The following MGAT5B variants were observed in gnomAD, a reference collection of about 807,000 sequenced individuals.
The protein encoded by MGAT5B is N-acetylglucosaminyl-transferase Vb.
Under a neutral mutation model 95.1 loss-of-function variants are expected in MGAT5B, and 54 were observed. That is an observed-to-expected ratio of 0.57 (90% confidence interval 0.46 to 0.71). The LOEUF (loss-of-function observed/expected upper bound fraction) is 0.71, where lower values mean the gene tolerates loss of function less well. MGAT5B is among the 30% of genes least tolerant of loss of function. The pLI, the probability that MGAT5B is intolerant of heterozygous loss-of-function variation, is 0.00. For synonymous variants in MGAT5B, 464 were observed against 451.0 expected (o/e 1.03, Z -0.36); for missense variants, 935 against 1,088.6 (o/e 0.86, Z 1.99).
At position 76,948,945 on chromosome 17, in the gene MGAT5B, C is replaced by A. The variant is rs375337411; in HGVS notation, c.*107C>A. 19 of 1,251,136 alleles carry A rather than the reference C, an allele frequency of 1.5e-5. No individual in the cohort carries two copies. The highest frequency in any genetic ancestry group is 7.1e-5 in the Admixed American group (3 of 42,000). 77.5% of individuals were successfully genotyped at this position (1,251,136 alleles called of 1,614,324 possible). On this transcript the variant is annotated 3_prime_UTR_variant, in exon 18 of 18. Coordinates refer to ENST00000569840, the MANE Select transcript of MGAT5B (RefSeq NM_001199172.2). ...GCTGCTTGTCCTCCTCGCAACCCCC[C>A]CAGGCCGGAGCTTCCTTCCTTAGCC...
chr17:76,907,955 C>T (rs775883863), intron 8 of MGAT5B, among the ~76,000 whole-genome samples: 1 of 152,160 alleles, frequency 6.6e-6, no homozygotes, highest in Non-Finnish European at 1.5e-5. Flanking sequence ...GCATCCTGTC[C>T]TGTGGTTCTT....
intron 2 of MGAT5B, 126 bp downstream of exon 2, chr17:76,873,089 G>T: frequency 3.8e-6 from 4 of 1,057,886 alleles, no homozygotes; most frequent in Non-Finnish European, 4.1e-6. Flanking sequence ...TGAGTGGAGG[G>T]GGCCTGGGCT....
rs922013862 is a variant in MGAT5B at position 76,912,797 on chromosome 17, C to T, written c.1025+6610C>T. 1.3e-5 allele frequency among the ~76,000 whole-genome samples: 2 copies of T among 152,162 alleles called. No homozygotes were observed. The highest frequency in any genetic ancestry group is 4.8e-5 in the African/African-American group (2 of 41,442). On this transcript the variant is annotated intron_variant, in intron 8 of 17. Transcript: ENST00000569840. The surrounding 1 kb of genome is among the most constrained non-coding windows in gnomAD (Gnocchi z 5.0). ...AAGGTGATGTCAGCCAGTCCCCGCC[C>T]GCGCCCCGCCGTGTGCGGAGGGAAG...
intron 15 of MGAT5B, among the ~76,000 whole-genome samples, chr17:76,943,362 C>G (rs1009587490): frequency 6.6e-6 from 1 of 152,142 alleles, no homozygotes; most frequent in African/African-American, 2.4e-5. Flanking sequence ...CCCCTCCCTT[C>G]TGTGGGCCCC....
chr17:76,925,532 A>C (rs1030105919), intron 9 of MGAT5B, among the ~76,000 whole-genome samples: 1 of 151,670 alleles, frequency 6.6e-6, no homozygotes, highest in African/African-American at 2.4e-5. Flanking sequence ...GGCCAAGGCC[A>C]TCGCTCCCTG....
intron 15 of MGAT5B, among the ~76,000 whole-genome samples, chr17:76,943,037 C>CCCCG (rs10628067): frequency 0.063 from 9,483 of 151,696 alleles, 330 homozygotes; most frequent in South Asian, 0.095. Context: ...ATAACTTGCC[C>CCCCG]CCCCGGGAGG....
At chr17:76,931,663 G>A (rs12938166) in intron 10 of MGAT5B, among the ~76,000 whole-genome samples, 45,407 of 151,912 alleles carry the variant, frequency 0.3, 7,137 homozygotes, top group Middle Eastern at 0.38. Context: ...GGTTTTGTGC[G>A]GAGGAGGAAC....
chr17:76,898,065 A>G (rs1204550389), intron 3 of MGAT5B, among the ~76,000 whole-genome samples: 5 of 149,456 alleles, frequency 3.3e-5, no homozygotes, highest in African/African-American at 1.3e-4. Flanking sequence ...TCAAAAAAAA[A>G]AAGTTTATTG....
chr17:76,916,170 C>G lies in MGAT5B; in HGVS notation c.1026-8796C>G, dbSNP rs1193397776. On this transcript the variant is annotated intron_variant, in intron 8 of 17. Coordinates refer to ENST00000569840, the MANE Select transcript of MGAT5B (RefSeq NM_001199172.2). The surrounding 1 kb of genome is among the most constrained non-coding windows in gnomAD (Gnocchi z 5.3). ...AGGCCTCGTCTCCCCTTATGCTCCA[C>G]ATAGCTGCACTGCCCTGGCCCCTGC... is the stretch of plus-strand genomic sequence containing the variant. Among the ~76,000 whole-genome samples, 1 of 146,476 alleles carries G rather than the reference C, an allele frequency of 6.8e-6. No individual in the cohort carries two copies. Among genetic ancestry groups the G allele is most frequent in the Non-Finnish European group, 1.5e-5 (1 of 67,322 alleles).
At position 76,906,434 on chromosome 17, in the gene MGAT5B, C is replaced by T. The variant is rs937361973; in HGVS notation, c.1025+247C>T. Among the ~76,000 whole-genome samples, 2 of 152,194 alleles carry T rather than the reference C, an allele frequency of 1.3e-5. No individual in the cohort carries two copies. The highest frequency in any genetic ancestry group is 4.8e-5 in the African/African-American group (2 of 41,458). On this transcript the variant is annotated intron_variant, in intron 8 of 17. Coordinates refer to ENST00000569840, the MANE Select transcript of MGAT5B (RefSeq NM_001199172.2). This position sits in a 1 kb window ranked among gnomAD's most constrained non-coding sequence, Gnocchi z 4.6. The stretch of plus-strand genomic sequence containing the variant: ...AGCGCTGTCTGGCCAGGGCCTGGCT[C>T]CTTCTCTGGTGTTTCTGCTCAGGGG...
chr17:76,884,377 A>G (rs895140654), intron 3 of MGAT5B, among the ~76,000 whole-genome samples: 57 of 152,280 alleles, frequency 3.7e-4, no homozygotes, highest in African/African-American at 1.2e-3. Flanking sequence ...GATTGATTCA[A>G]TATGTGGTTA....
chr17:76,893,340 G>C (rs1967950902), intron 3 of MGAT5B, among the ~76,000 whole-genome samples: 1 of 152,074 alleles, frequency 6.6e-6, no homozygotes, highest in Non-Finnish European at 1.5e-5. Context: ...TGGATGATGG[G>C]GCCTCCTCTG....
At chr17:76,886,987 T>C (rs1464415860) in intron 3 of MGAT5B, among the ~76,000 whole-genome samples, 1 of 152,134 alleles carries the variant, frequency 6.6e-6, no homozygotes, top group African/African-American at 2.4e-5. Flanking sequence ...GAGGCTGCAC[T>C]GAGCTGAGAT....
chr17:76,948,616 A>T (rs760547537), intron 17 of MGAT5B, 24 bp from the exon 18 acceptor site: 7 of 1,599,982 alleles, frequency 4.4e-6, no homozygotes, highest in Non-Finnish European at 4.3e-6. Flanking sequence ...ACGCTGAGTG[A>T]CGGTGCTGTG....
intron 3 of MGAT5B, among the ~76,000 whole-genome samples, chr17:76,897,725 CTTTTTCTTT>C (rs1567800370): frequency 7.3e-4 from 48 of 66,142 alleles, no homozygotes; most frequent in African/African-American, 3.1e-3. Context: ...TTCTTTCTTT[CTTTTTCTTT>C]TTTTTTTTTT....
intron 10 of MGAT5B, among the ~76,000 whole-genome samples, chr17:76,932,189 G>A (rs1969512736): frequency 6.7e-6 from 1 of 150,172 alleles, no homozygotes; most frequent in South Asian, 2.1e-4. Context: ...GTGCAGCAGT[G>A]CGATCATAGC....
chr17:76,905,459 G>A lies in MGAT5B; in HGVS notation c.855+126G>A, dbSNP rs1032167474. On this transcript the variant is annotated intron_variant, in intron 7 of 17. Coordinates refer to ENST00000569840, the MANE Select transcript of MGAT5B (RefSeq NM_001199172.2). This position sits in a 1 kb window ranked among gnomAD's most constrained non-coding sequence, Gnocchi z 4.2. ...TTCTGAATTTGATCAGAGGGAGAGAGGGGTAGGGATGGCAGAGTCGGGATA... is the reference window on the plus strand; with the variant it reads ...TTCTGAATTTGATCAGAGGGAGAGAAGGGTAGGGATGGCAGAGTCGGGATA... The A allele has an allele frequency of 7.1e-5, 64 of 902,380 alleles. No individual in the cohort carries two copies. The highest frequency in any genetic ancestry group is 1.0e-4 in the Non-Finnish European group (62 of 622,848). 55.9% of individuals were successfully genotyped at this position (902,380 alleles called of 1,614,324 possible).
At chr17:76,876,194 G>A (rs530527559) in intron 2 of MGAT5B, among the ~76,000 whole-genome samples, 1 of 152,222 alleles carries the variant, frequency 6.6e-6, no homozygotes, top group East Asian at 1.9e-4. Context: ...ACATCCCCAC[G>A]CAGTGCCTGG....
rs768709020 is a variant in MGAT5B at position 76,947,816 on chromosome 17, TCTC to T, written c.1924-8_1924-6del. 6.0e-4 allele frequency: 922 copies of T among 1,536,066 alleles called. No homozygotes were observed. The highest frequency in any genetic ancestry group is 1.5e-3 in the South Asian group (120 of 80,170). On this transcript the variant is annotated splice_polypyrimidine_tract_variant and intron_variant, in intron 16 of 17. Coordinates refer to ENST00000569840, the MANE Select transcript of MGAT5B (RefSeq NM_001199172.2). Reference sequence around the variant, plus strand: ...TCGCACTTCCCCACCCTGACACTGCTCTCCTCCTTGCAGGACTTCTGCAGAGCT... The same window carrying T: ...TCGCACTTCCCCACCCTGACACTGCTCTCCTTGCAGGACTTCTGCAGAGCT...
Sources: gnomAD v4.1 joint callset for allele counts (sites outside exome capture counted in the v4.1 genomes callset) on GRCh38, gnomAD v4.1.1 for gene constraint, Gnocchi (gnomAD v3.1) non-coding constraint, MANE v1.5 for transcripts, NCBI Gene and HGNC (gene_info 2026-07-23, HGNC 2026-07-21) for gene names.